The following ARHGAP25 variants were observed in gnomAD, a reference collection of about 807,000 sequenced individuals.
The protein encoded by ARHGAP25 is rho GTPase-activating protein 25.
A neutral mutation model predicts 71.0 loss-of-function variants in ARHGAP25; 34 were observed. The ratio of observed to expected loss-of-function variants is 0.48; its 90% CI spans 0.36 to 0.64. ARHGAP25 has a LOEUF of 0.64. Ranked by LOEUF, ARHGAP25 falls within the 30% of genes least tolerant of loss-of-function variation. The probability of loss-of-function intolerance (pLI) is 0.00; values close to 1 mark genes in which losing one functional copy is unlikely to be tolerated. For synonymous variants in ARHGAP25, 282 were observed against 296.5 expected, an observed-to-expected ratio of 0.95 and a Z score of 0.50; for missense variants, 706 against 805.1, an observed-to-expected ratio of 0.88 and a Z score of 1.49.
At chr2:68,777,213 G>T (rs562129187) in intron 2 of ARHGAP25, among the ~76,000 whole-genome samples, 1 of 152,278 alleles carries the variant, frequency 6.6e-6, no homozygotes, top group East Asian at 1.9e-4. Flanking sequence ...CGGCAGTAAC[G>T]CTTTGGCCAC....
chr2:68,765,144 T>C (rs1325897862), intron 1 of ARHGAP25, among the ~76,000 whole-genome samples: 2 of 152,156 alleles, frequency 1.3e-5, no homozygotes, highest in Admixed American at 1.3e-4. Context: ...ATACTATCCA[T>C]ACTGGCAGCC....
Position 68,782,215 on chromosome 2 carries a change from T to A in ARHGAP25, c.262-18T>A, listed in dbSNP as rs371731403. 7.1e-4 allele frequency: 1,150 copies of A among 1,612,414 alleles called. No individual in the cohort carries two copies. Among genetic ancestry groups the A allele is most frequent in the Non-Finnish European group, 9.0e-4 (1,059 of 1,178,608 alleles). On this transcript the variant is annotated intron_variant, in intron 2 of 10. Coordinates refer to ENST00000409202, the MANE Select transcript of ARHGAP25 (RefSeq NM_001007231.3). Reference sequence around the variant, plus strand: ...TAAATTGCTGCTTATCCTTAAGGCCTGACTTTTCATCTTTCAGGGCTGCAT... The same window carrying A: ...TAAATTGCTGCTTATCCTTAAGGCCAGACTTTTCATCTTTCAGGGCTGCAT...
At chr2:68,742,171 G>GTC (rs2104293532) in intron 1 of ARHGAP25, among the ~76,000 whole-genome samples, 1 of 152,238 alleles carries the variant, frequency 6.6e-6, no homozygotes, top group Admixed American at 6.5e-5. Context: ...GCTCTGGATG[G>GTC]GGCTGCGATA....
At chr2:68,825,872 T>G in intron 10 of ARHGAP25, 115 bp from the exon 11 acceptor site, 1 of 839,760 alleles carries the variant, frequency 1.2e-6, no homozygotes, top group South Asian at 1.8e-5. Flanking sequence ...GCTGAGAGGT[T>G]GGATAAGGGT....
At chr2:68,752,694 C>A (rs559395915) in intron 1 of ARHGAP25, among the ~76,000 whole-genome samples, 7 of 152,200 alleles carry the variant, frequency 4.6e-5, no homozygotes, top group African/African-American at 1.7e-4. Flanking sequence ...AATCAGAGGG[C>A]ACTAAGAGGA....
At chr2:68,806,640 C>T (rs879840528) in intron 4 of ARHGAP25, among the ~76,000 whole-genome samples, 6 of 152,306 alleles carry the variant, frequency 3.9e-5, no homozygotes, top group South Asian at 2.1e-4. Flanking sequence ...CGAGCGGGAC[C>T]GCGAGAGATT....
At chr2:68,769,001 G>T (rs907035617) in intron 1 of ARHGAP25, among the ~76,000 whole-genome samples, 5 of 152,114 alleles carry the variant, frequency 3.3e-5, no homozygotes, top group Admixed American at 1.3e-4. Context: ...AATGGGGAAG[G>T]CTACCTTACC....
chr2:68,799,628 T>C (rs528579144), intron 4 of ARHGAP25, among the ~76,000 whole-genome samples: 112 of 152,316 alleles, frequency 7.4e-4, no homozygotes, highest in African/African-American at 2.6e-3. Context: ...CAGTTGACAA[T>C]TAGCTGCTAA....
intron 1 of ARHGAP25, among the ~76,000 whole-genome samples, chr2:68,754,639 A>G (rs1055773402): frequency 2.0e-5 from 3 of 152,222 alleles, no homozygotes; most frequent in African/African-American, 7.2e-5. Context: ...TATATATTTA[A>G]CTTTATAAGA....
chr2:68,736,219 C>T (rs942221472), intron 1 of ARHGAP25, among the ~76,000 whole-genome samples: 2 of 152,088 alleles, frequency 1.3e-5, no homozygotes, highest in South Asian at 2.1e-4. Context: ...AAGTCACAAG[C>T]GGAGCATTAA....
intron 1 of ARHGAP25, among the ~76,000 whole-genome samples, chr2:68,759,874 GACA>G (rs1264226624): frequency 2.0e-5 from 3 of 151,922 alleles, no homozygotes; most frequent in African/African-American, 7.2e-5. Flanking sequence ...ATTAAAGCCA[GACA>G]ACATTACAAG....
At chr2:68,756,308 T>C (rs531810726) in intron 1 of ARHGAP25, among the ~76,000 whole-genome samples, 16 of 152,364 alleles carry the variant, frequency 1.1e-4, no homozygotes, top group Admixed American at 8.5e-4. Flanking sequence ...CAGGGATCTA[T>C]GTTGTGATCA....
intron 1 of ARHGAP25, among the ~76,000 whole-genome samples, chr2:68,760,177 G>T (rs1309189783): frequency 6.6e-6 from 1 of 151,926 alleles, no homozygotes; most frequent in East Asian, 1.9e-4. Flanking sequence ...AGGAATAGAA[G>T]GAATCTACCT....
chr2:68,763,921 G>A (rs1252502378), intron 1 of ARHGAP25, among the ~76,000 whole-genome samples: 2 of 152,098 alleles, frequency 1.3e-5, no homozygotes. Context: ...TTCATTGTAA[G>A]TATACAATTC....
intron 1 of ARHGAP25, chr2:68,735,463 C>T (rs1675165848): frequency 4.9e-6 from 3 of 616,446 alleles, no homozygotes; most frequent in Admixed American, 2.8e-5. Context: ...TTGGACAAAA[C>T]AGTGGGATGG....
rs1214813571 is a variant in ARHGAP25 at position 68,716,923 on chromosome 2, C to T, written c.-18+6225C>T. 2.0e-5 allele frequency among the ~76,000 whole-genome samples: 3 copies of T among 152,114 alleles called. No homozygotes were observed. The East Asian group carries it at 5.8e-4, about 29-fold the overall frequency. On this transcript the variant is annotated intron_variant and NMD_transcript_variant, in intron 2 of 7. Coordinates refer to the ARHGAP25 transcript ENST00000463483. ...TCAGAATGTGACATTCAATATTTTT[C>T]GCAGTATTTGTTTTATGTGTATTCC...
intron 4 of ARHGAP25, among the ~76,000 whole-genome samples, chr2:68,796,963 G>A (rs1023941137): frequency 4.4e-4 from 67 of 152,336 alleles, no homozygotes; most frequent in Admixed American, 5.9e-4. Context: ...AATGGGCTGT[G>A]TGGGCCAGCC....
chr2:68,781,690 TCTTCACCTATAAA>T (rs1240611400), intron 2 of ARHGAP25, among the ~76,000 whole-genome samples: 1 of 152,198 alleles, frequency 6.6e-6, no homozygotes, highest in Non-Finnish European at 1.5e-5. Flanking sequence ...TGATCTCTTT[TCTTCACCTATAAA>T]ATTTACATAA....
chr2:68,736,320 T>C (rs1308513116), intron 1 of ARHGAP25, among the ~76,000 whole-genome samples: 1 of 152,192 alleles, frequency 6.6e-6, no homozygotes, highest in Non-Finnish European at 1.5e-5. Context: ...CGTTCCCTAA[T>C]CAAGCTGTGA....
Sources: gnomAD v4.1 joint callset for allele counts (sites outside exome capture counted in the v4.1 genomes callset) on GRCh38, gnomAD v4.1.1 for gene constraint, MANE v1.5 for transcripts, NCBI Gene and HGNC (gene_info 2026-07-23, HGNC 2026-07-21) for gene names.